NKAIN2: variants seen among roughly 807,000 people sequenced by gnomAD.
NKAIN2 encodes the protein sodium/potassium transporting ATPase interacting 2, also known as sodium/potassium-transporting ATPase subunit beta-1-interacting protein 2.
NKAIN2 carries 14 observed loss-of-function variants against 32.6 expected under a neutral mutation model. The observed-to-expected ratio is 0.43, with a 90% CI of 0.28 to 0.67. The LOEUF is 0.67. Ranked by LOEUF, NKAIN2 falls within the 30% of genes least tolerant of loss-of-function variation. The pLI, the probability that NKAIN2 is intolerant of heterozygous loss-of-function variation, is 0.17. For synonymous variants in NKAIN2, 80 were observed against 87.2 expected (o/e 0.92, Z 0.46); for missense variants, 198 against 258.3 (o/e 0.77, Z 1.60).
At chr6:123,883,874 G>A (rs1216431243) in intron 1 of NKAIN2, among the ~76,000 whole-genome samples, 1 of 111,328 alleles carries the variant, frequency 9.0e-6, no homozygotes. Context: ...CAGCCTGGGC[G>A]ACAGAGCGAG....
chr6:124,509,410 C>T lies in NKAIN2; in HGVS notation c.274-148776C>T, dbSNP rs1376821790. Among the ~76,000 whole-genome samples, 124 of 152,188 alleles carry T rather than the reference C, an allele frequency of 8.1e-4. 2 individuals are homozygous for T. Among genetic ancestry groups the T allele is most frequent in the Admixed American group, 8.1e-3 (124 of 15,282 alleles). On this transcript the variant is annotated intron_variant, in intron 3 of 6. Coordinates refer to ENST00000368417, the MANE Select transcript of NKAIN2 (RefSeq NM_001040214.3). ...TACCCATGACTTTGCTGCATATATA[C>T]TCGGTTTTGTTCTTCTATCAGTATT...
At chr6:124,524,804 G>C (rs1044550449) in intron 3 of NKAIN2, among the ~76,000 whole-genome samples, 2 of 152,086 alleles carry the variant, frequency 1.3e-5, no homozygotes, top group African/African-American at 4.8e-5. Context: ...GAATCAATAT[G>C]CTTTTTTCAC....
chr6:124,023,508 G>A (rs1192354200), intron 1 of NKAIN2, among the ~76,000 whole-genome samples: 1 of 151,874 alleles, frequency 6.6e-6, no homozygotes, highest in African/African-American at 2.4e-5. Context: ...TTTTTTGAAA[G>A]CCTACCTTTG....
chr6:124,712,684 G>A (rs922374887), intron 4 of NKAIN2, among the ~76,000 whole-genome samples: 17 of 151,526 alleles, frequency 1.1e-4, no homozygotes, highest in East Asian at 3.9e-4. Flanking sequence ...GCTCGTGCAC[G>A]GTGTGCGCAC....
Position 124,748,665 on chromosome 6 carries a change from A to G in NKAIN2, c.475-42674A>G, listed in dbSNP as rs577963029. Among the ~76,000 whole-genome samples, 1,109 of 152,048 alleles carry G rather than the reference A, an allele frequency of 7.3e-3. 22 individuals are homozygous for G. The highest frequency in any genetic ancestry group is 0.025 in the African/African-American group (1,054 of 41,512). ...TTATAAAAATTTCAACATAAAGCGC[A>G]GATCTATCGTCTTGTTTTCTGCTAT... On this transcript the variant is annotated intron_variant, in intron 4 of 6. Coordinates refer to ENST00000368417, the MANE Select transcript of NKAIN2 (RefSeq NM_001040214.3).
intron 3 of NKAIN2, among the ~76,000 whole-genome samples, chr6:124,625,511 A>G (rs752985605): frequency 1.3e-5 from 2 of 152,162 alleles, no homozygotes; most frequent in Non-Finnish European, 2.9e-5. Context: ...GTTGCTTAAA[A>G]TGAGAGCAGG....
chr6:124,573,322 C>T (rs1032986213), intron 3 of NKAIN2, among the ~76,000 whole-genome samples: 22 of 152,020 alleles, frequency 1.4e-4, no homozygotes, highest in African/African-American at 5.3e-4. Context: ...GTGGTGGAAC[C>T]GAGAGCTAGA....
chr6:123,904,338 T>C (rs557077001), intron 1 of NKAIN2, among the ~76,000 whole-genome samples: 1 of 152,258 alleles, frequency 6.6e-6, no homozygotes, highest in South Asian at 2.1e-4. Context: ...ATAATGGAAG[T>C]CTATAAAAAT....
At chr6:124,320,534 A>C (rs1179421977) in intron 2 of NKAIN2, among the ~76,000 whole-genome samples, 1 of 152,208 alleles carries the variant, frequency 6.6e-6, no homozygotes, top group Non-Finnish European at 1.5e-5. Flanking sequence ...CAATGTATCC[A>C]ATCATTTATT....
intron 3 of NKAIN2, among the ~76,000 whole-genome samples, chr6:124,474,215 C>T (rs1430349290): frequency 6.6e-6 from 1 of 151,942 alleles, no homozygotes; most frequent in Non-Finnish European, 1.5e-5. Context: ...TACACCTTTT[C>T]AAGGTGGAAT....
At chr6:123,824,159 C>T (rs1361246921) in intron 1 of NKAIN2, among the ~76,000 whole-genome samples, 2 of 152,094 alleles carry the variant, frequency 1.3e-5, no homozygotes, top group Non-Finnish European at 2.9e-5. Flanking sequence ...AGAAATACAA[C>T]ACATAGTCAG....
Position 124,781,712 on chromosome 6 carries a change from A to T in NKAIN2, c.475-9627A>T, listed in dbSNP as rs567142619. 8.8e-4 allele frequency among the ~76,000 whole-genome samples: 134 copies of T among 152,232 alleles called. 1 individual carries two copies. Among genetic ancestry groups the T allele is most frequent in the Non-Finnish European group, 1.6e-3 (110 of 68,004 alleles). On this transcript the variant is annotated intron_variant, in intron 4 of 6. Coordinates refer to ENST00000368417, the MANE Select transcript of NKAIN2 (RefSeq NM_001040214.3). ...AGAAGACAATCTAAGATTTATATTG[A>T]AAAGAAGGTAACTCAGATGGAAAGG...
At chr6:124,606,073 G>T (rs1014268524) in intron 3 of NKAIN2, among the ~76,000 whole-genome samples, 11 of 152,056 alleles carry the variant, frequency 7.2e-5, no homozygotes, top group Non-Finnish European at 1.6e-4. Flanking sequence ...ATCTGAAGTT[G>T]AGGTTGGTGC....
rs1474000326 is a variant in NKAIN2 at position 124,045,786 on chromosome 6, G to A, written c.55-237219G>A. ...TTATGGCTTTAAAAGGTTACTAACA[G>A]TAATCCGTATCAATCTCTGGCCCTT... On this transcript the variant is annotated intron_variant, in intron 1 of 6. Coordinates refer to ENST00000368417, the MANE Select transcript of NKAIN2 (RefSeq NM_001040214.3). 2.6e-5 allele frequency among the ~76,000 whole-genome samples: 4 copies of A among 152,078 alleles called. No homozygotes were observed. The East Asian group carries it at 7.7e-4, about 29-fold the overall frequency.
chr6:124,159,410 AT>A (rs1788158808), intron 1 of NKAIN2, among the ~76,000 whole-genome samples: 2 of 152,178 alleles, frequency 1.3e-5, no homozygotes, highest in South Asian at 2.1e-4. Context: ...TGTATTGTGC[AT>A]TTTTTGTCTG....
chr6:123,888,317 T>C (rs1346323730), intron 1 of NKAIN2, among the ~76,000 whole-genome samples: 1 of 152,124 alleles, frequency 6.6e-6, no homozygotes, highest in Non-Finnish European at 1.5e-5. Flanking sequence ...AGCTCTTACA[T>C]TTTCAAACAC....
At chr6:124,158,355 A>G (rs1388511294) in intron 1 of NKAIN2, among the ~76,000 whole-genome samples, 2 of 152,168 alleles carry the variant, frequency 1.3e-5, no homozygotes, top group African/African-American at 4.8e-5. Flanking sequence ...GTCTCTGAAC[A>G]TAGTCACTCT....
At chr6:124,212,512 C>A (rs1303981765) in intron 1 of NKAIN2, among the ~76,000 whole-genome samples, 1 of 152,016 alleles carries the variant, frequency 6.6e-6, no homozygotes, top group Non-Finnish European at 1.5e-5. Context: ...AGGAGGACAG[C>A]AGCCCAGTGA....
chr6:124,275,039 G>T (rs1335188682), intron 1 of NKAIN2, among the ~76,000 whole-genome samples: 3 of 151,984 alleles, frequency 2.0e-5, no homozygotes, highest in African/African-American at 7.2e-5. Flanking sequence ...CTTTTTAGAA[G>T]AATTTTCTGT....
Sources: allele counts gnomAD v4.1 joint callset (sites outside exome capture counted in the v4.1 genomes callset), GRCh38; gene constraint gnomAD v4.1.1; transcripts MANE v1.5; gene names NCBI Gene and HGNC (gene_info 2026-07-23, HGNC 2026-07-21).